NEDD4: variants seen among roughly 807,000 people sequenced by gnomAD.
NEDD4 encodes E3 ubiquitin-protein ligase NEDD4.
In NEDD4, 99 loss-of-function variants were observed where a neutral mutation model predicts 144.9. That is an observed-to-expected ratio of 0.68 (90% CI 0.58 to 0.81). NEDD4 has a LOEUF of 0.81. NEDD4 is among the 30% of genes least tolerant of loss of function. The probability of loss-of-function intolerance (pLI) is 0.00; values close to 1 mark genes in which losing one functional copy is unlikely to be tolerated. For synonymous variants in NEDD4, 318 were observed against 350.6 expected (o/e 0.91, Z 1.04); for missense variants, 985 against 1,065.9 (o/e 0.92, Z 1.06).
intron 5 of NEDD4, among the ~76,000 whole-genome samples, chr15:55,923,837 T>C (rs1391875294): frequency 6.7e-6 from 1 of 150,276 alleles, no homozygotes; most frequent in East Asian, 1.9e-4. Flanking sequence ...AGACTTTTTT[T>C]TAAAAAAAAA....
chr15:55,834,314 G>C (rs1225730434), intron 24 of NEDD4, 28 bp from the exon 25 acceptor site: 1 of 1,473,098 alleles, frequency 6.8e-7, no homozygotes. Flanking sequence ...TTAAAAACTT[G>C]ATGGGCAGGG....
intron 12 of NEDD4, 69 bp from the exon 13 acceptor site, chr15:55,852,612 T>C: frequency 3.4e-6 from 5 of 1,450,582 alleles, no homozygotes; most frequent in Non-Finnish European, 4.7e-6. Flanking sequence ...CCCCAAAAGT[T>C]CCCTCTGTCC....
At position 55,848,417 on chromosome 15, in the gene NEDD4, T is replaced by C. The variant is rs1688396939; in HGVS notation, c.1497A>G (p.Thr499=). Residue 499 remains threonine, a synonymous_variant, in exon 17 of 29, where the codon ACA becomes ACG. Coordinates refer to ENST00000435532, the MANE Select transcript of NEDD4 (RefSeq NM_006154.4). ...IFYINHNIKR[T]QWEDPRLENV... is the part of the protein sequence containing the mutation. Reference sequence around the variant, plus strand: ...TCTCCAACCGAGGATCTTCCCATTGTGTTCTTTTTATATCTGAAGGGAAGA... The same window carrying C: ...TCTCCAACCGAGGATCTTCCCATTGCGTTCTTTTTATATCTGAAGGGAAGA... 6.2e-7 allele frequency: 1 copy of C among 1,614,064 alleles called. No homozygotes were observed. Among genetic ancestry groups the C allele is most frequent in the Non-Finnish European group, 8.5e-7 (1 of 1,180,014 alleles).
rs1566890452 is a variant in NEDD4 at position 55,826,971 on chromosome 15, T to TA, written c.*2925dup. The TA allele has an allele frequency of 6.6e-6, 1 of 152,340 alleles. No homozygotes were observed. The highest frequency in any genetic ancestry group is 1.9e-4 in the East Asian group (1 of 5,182). The allele number at this position is 152,340 out of a possible 1,614,324, so 9.4% of individuals were successfully genotyped here. A position where few individuals can be genotyped will look rare whatever the true frequency, so the allele number is the denominator to read the frequency against. On this transcript the variant is annotated 3_prime_UTR_variant, in exon 29 of 29. Transcript: ENST00000435532. ...AACTTTATTTGTGGATTCAAGATTT[T>TA]AAAAAATGATTTTACACTTTAAAGT...
At chr15:55,830,426 AGAG>A (rs774463137) in intron 28 of NEDD4, 85 bp downstream of exon 28, 7 of 1,155,250 alleles carry the variant, frequency 6.1e-6, no homozygotes, top group East Asian at 2.3e-5. Context: ...GACATAACAC[AGAG>A]GAGACTAGCC....
intron 2 of NEDD4, among the ~76,000 whole-genome samples, chr15:55,957,946 A>T (rs1280571135): frequency 6.6e-6 from 1 of 152,138 alleles, no homozygotes; most frequent in East Asian, 1.9e-4. Flanking sequence ...AGGGTGGGGA[A>T]CATCACACAC....
chr15:55,905,262 T>C (rs1298954478), intron 5 of NEDD4: 1 of 456,030 alleles, frequency 2.2e-6, no homozygotes, highest in Non-Finnish European at 4.4e-6. Context: ...CCTTCACTCC[T>C]GATTTGTCAC....
intron 1 of NEDD4, among the ~76,000 whole-genome samples, chr15:55,992,558 G>A (rs1309792607): frequency 1.3e-5 from 2 of 152,152 alleles, no homozygotes; most frequent in Non-Finnish European, 2.9e-5. Flanking sequence ...CAGCCAACAA[G>A]AAAGCAAAAA....
intron 5 of NEDD4, among the ~76,000 whole-genome samples, chr15:55,901,267 A>C (rs1053476053): frequency 6.6e-5 from 10 of 152,128 alleles, no homozygotes; most frequent in Non-Finnish European, 1.3e-4. Flanking sequence ...CTACAATTTT[A>C]TGTTTTACAT....
chr15:55,906,167 C>T (rs2036085896), intron 5 of NEDD4, among the ~76,000 whole-genome samples: 2 of 152,144 alleles, frequency 1.3e-5, no homozygotes, highest in African/African-American at 4.8e-5. Flanking sequence ...AATAGGAACA[C>T]TTTTACACTG....
At chr15:55,914,139 C>T (rs984494518) in intron 5 of NEDD4, among the ~76,000 whole-genome samples, 4 of 151,206 alleles carry the variant, frequency 2.6e-5, no homozygotes, top group Non-Finnish European at 5.9e-5. Flanking sequence ...TACCAGATTT[C>T]AGAAGAGAGA....
At position 55,838,171 on chromosome 15, in the gene NEDD4, G is replaced by C. The variant is rs759283591; in HGVS notation, c.2137C>G (p.His713Asp). Residue 713 changes from histidine (H) to aspartate (D), a missense_variant, in exon 23 of 29, where the codon CAT (histidine) becomes GAT (aspartate). By Grantham distance (81) the His-to-Asp change is moderately conservative. Transcript: ENST00000435532. ...DEELFGQTHQ[H>D]ELKNGGSEIV... ...TCTGATCCACCATTTTTCAGCTCATGTTGATGTGTCTAAAATTAAACACAA... is the reference window on the plus strand; with the variant it reads ...TCTGATCCACCATTTTTCAGCTCATCTTGATGTGTCTAAAATTAAACACAA... The C allele has an allele frequency of 1.3e-6, 2 of 1,595,104 alleles. No homozygotes were observed. The highest frequency in any genetic ancestry group is 1.7e-6 in the Non-Finnish European group (2 of 1,168,158).
chr15:55,879,482 T>C (rs557969369), intron 5 of NEDD4, among the ~76,000 whole-genome samples: 1 of 152,336 alleles, frequency 6.6e-6, no homozygotes, highest in South Asian at 2.1e-4. Context: ...AGTCAGTAGA[T>C]GCCCATGAAC....
chr15:55,962,333 A>G (rs56109567), intron 2 of NEDD4, among the ~76,000 whole-genome samples: 20,460 of 152,196 alleles, frequency 0.13, 1,492 homozygotes, highest in East Asian at 0.32. Flanking sequence ...TCCTAACAAC[A>G]TCTGTCTCAT....
chr15:55,835,448 C>G (rs2033152674), intron 24 of NEDD4, among the ~76,000 whole-genome samples: 1 of 147,500 alleles, frequency 6.8e-6, no homozygotes, highest in Non-Finnish European at 1.5e-5. Flanking sequence ...TTCCCATGCC[C>G]TAAACTGTCC....
intron 1 of NEDD4, 135 bp from the exon 2 acceptor site, chr15:55,966,681 T>G: frequency 4.5e-6 from 2 of 445,346 alleles, no homozygotes; most frequent in East Asian, 7.5e-5. Context: ...ATAATTAATT[T>G]TATTAAAAGT....
At position 55,872,455 on chromosome 15, in the gene NEDD4, T is replaced by C. The variant is rs968396178; in HGVS notation, c.364A>G (p.Arg122Gly). 1 of 1,466,228 alleles carries C rather than the reference T, an allele frequency of 6.8e-7. No individual in the cohort carries two copies. Among genetic ancestry groups the C allele is most frequent in the South Asian group, 1.4e-5 (1 of 73,278 alleles). 90.8% of individuals were successfully genotyped at this position (1,466,228 alleles called of 1,614,324 possible). Residue 122 changes from arginine (R) to glycine (G), a missense_variant, in exon 7 of 29, where the codon AGA becomes GGA. Coordinates refer to ENST00000435532, the MANE Select transcript of NEDD4 (RefSeq NM_006154.4). The part of the protein sequence containing the change: ...PLPTENPRLE[R>G]PYTFKDFVLH... Reference sequence around the variant, plus strand: ...ACAAAATCCTTAAATGTATATGGTCTCTCCAATCTTGGATTTTCTGTCTAG... The same window carrying C: ...ACAAAATCCTTAAATGTATATGGTCCCTCCAATCTTGGATTTTCTGTCTAG...
At position 55,931,009 on chromosome 15, in the gene NEDD4, A is replaced by G. The variant is rs547252627; in HGVS notation, c.238-6310T>C. Among the ~76,000 whole-genome samples the G allele has an allele frequency of 2.2e-4, 33 of 152,342 alleles. No homozygotes were observed. In the South Asian group the frequency reaches 6.6e-3, roughly 31 times the overall value. ...ATGGATTTTAAAAACTGTACATACA[A>G]GGCATATAACTGTGAAATTTTAAAA... On this transcript the variant is annotated intron_variant, in intron 4 of 28. Coordinates refer to ENST00000435532, the MANE Select transcript of NEDD4 (RefSeq NM_006154.4).
intron 5 of NEDD4, among the ~76,000 whole-genome samples, chr15:55,899,809 G>A (rs1178239667): frequency 2.6e-5 from 4 of 152,194 alleles, no homozygotes; most frequent in Non-Finnish European, 2.9e-5. Context: ...TGTAGCTATG[G>A]AGCACAGGAA....
Sources: gnomAD v4.1 joint callset for allele counts (sites outside exome capture counted in the v4.1 genomes callset) on GRCh38, gnomAD v4.1.1 for gene constraint, MANE v1.5 for transcripts, NCBI Gene and HGNC (gene_info 2026-07-23, HGNC 2026-07-21) for gene names.